The following TANC1 variants were observed in gnomAD, a reference collection of about 807,000 sequenced individuals.
TANC1 encodes the protein tetratricopeptide repeat, ankyrin repeat and coiled-coil containing 1.
TANC1 carries 77 observed loss-of-function variants against 149.7 expected under a neutral mutation model. The observed-to-expected ratio is 0.51, with a 90% CI of 0.43 to 0.62. TANC1 has a LOEUF of 0.62. TANC1 is among the 20% of genes least tolerant of loss of function. The pLI is 0.00. For missense variants in TANC1, 1,985 were observed against 2,321.8 expected, an observed-to-expected ratio of 0.85 and a Z score of 2.98; for synonymous variants, 854 against 925.0, an observed-to-expected ratio of 0.92 and a Z score of 1.39.
intron 26 of TANC1, 23 bp from the exon 27 acceptor site, chr2:159,229,555 T>C: frequency 6.3e-7 from 1 of 1,576,730 alleles, no homozygotes; most frequent in South Asian, 1.1e-5. Context: ...GTTTGTAATG[T>C]TACCTTACAT....
chr2:159,198,900 C>A, intron 18 of TANC1, 75 bp from the exon 19 acceptor site: 1 of 1,003,430 alleles, frequency 1.0e-6, no homozygotes, highest in Non-Finnish European at 1.6e-6. Context: ...AACACACTGT[C>A]TCCTTTGATA....
intron 1 of TANC1, among the ~76,000 whole-genome samples, chr2:158,979,558 T>A (rs1216351620): frequency 6.6e-6 from 1 of 151,994 alleles, no homozygotes; most frequent in Non-Finnish European, 1.5e-5. Context: ...TCTGTGGGGC[T>A]TTTATTTCTG....
At chr2:159,194,833 T>C (rs1459341679) in intron 17 of TANC1, among the ~76,000 whole-genome samples, 2 of 152,200 alleles carry the variant, frequency 1.3e-5, no homozygotes, top group East Asian at 1.9e-4. Flanking sequence ...TTTGCTTTTT[T>C]CCCCTCTCTT....
At chr2:159,030,277 C>G (rs531683165) in intron 2 of TANC1, among the ~76,000 whole-genome samples, 3 of 152,194 alleles carry the variant, frequency 2.0e-5, no homozygotes, top group African/African-American at 4.8e-5. Flanking sequence ...GCAAAAAATG[C>G]TAGAATTTTG....
At chr2:159,044,982 C>T (rs1394993741) in intron 2 of TANC1, among the ~76,000 whole-genome samples, 1 of 152,246 alleles carries the variant, frequency 6.6e-6, no homozygotes, top group African/African-American at 2.4e-5. Context: ...AAAGGCGGAG[C>T]TTCTCCACAG....
intron 1 of TANC1, among the ~76,000 whole-genome samples, chr2:158,994,727 T>C (rs1329403734): frequency 6.6e-6 from 1 of 152,254 alleles, no homozygotes; most frequent in Non-Finnish European, 1.5e-5. Context: ...GTTGATTTAT[T>C]TGTGGTTATT....
At chr2:159,039,581 C>T (rs1319553244) in intron 2 of TANC1, among the ~76,000 whole-genome samples, 1 of 152,172 alleles carries the variant, frequency 6.6e-6, no homozygotes, top group African/African-American at 2.4e-5. Flanking sequence ...CAAAAAACGT[C>T]TTTATTTCTG....
chr2:159,122,185 G>T (rs946623876), intron 4 of TANC1, among the ~76,000 whole-genome samples: 16 of 152,144 alleles, frequency 1.1e-4, no homozygotes, highest in Non-Finnish European at 2.1e-4. Context: ...CCATCTGCCC[G>T]CCTTGGTCTT....
chr2:159,154,225 AGT>A (rs2053178270), intron 7 of TANC1, among the ~76,000 whole-genome samples: 1 of 152,186 alleles, frequency 6.6e-6, no homozygotes, highest in South Asian at 2.1e-4. Flanking sequence ...TATTCAGAGC[AGT>A]TTGGGGAAAT....
At chr2:159,171,765 G>A (rs1287105857) in intron 10 of TANC1, among the ~76,000 whole-genome samples, 1 of 149,996 alleles carries the variant, frequency 6.7e-6, no homozygotes. Context: ...GCTGAGGCAG[G>A]AGAATCACCT....
intron 2 of TANC1, among the ~76,000 whole-genome samples, chr2:159,042,590 G>A (rs143592597): frequency 1.8e-3 from 271 of 152,160 alleles, no homozygotes; most frequent in African/African-American, 6.0e-3. Flanking sequence ...GGGAGCTCAG[G>A]CAGAACGAAG....
At chr2:159,190,969 G>A (rs1184094763) in intron 16 of TANC1, among the ~76,000 whole-genome samples, 1 of 152,238 alleles carries the variant, frequency 6.6e-6, no homozygotes, top group Admixed American at 6.5e-5. Flanking sequence ...GCTTGGTGGG[G>A]ATTAATTAAG....
chr2:159,012,823 T>G (rs1051909837), intron 2 of TANC1, among the ~76,000 whole-genome samples: 2 of 152,188 alleles, frequency 1.3e-5, no homozygotes, highest in Non-Finnish European at 2.9e-5. Context: ...ATTTTGAGCT[T>G]TTAATTTTTG....
chr2:159,209,532 G>T (rs1378460004), intron 19 of TANC1, among the ~76,000 whole-genome samples: 1 of 152,324 alleles, frequency 6.6e-6, no homozygotes, highest in African/African-American at 2.4e-5. Flanking sequence ...GCCAGGGAAT[G>T]TGGGGGCCAG....
intron 4 of TANC1, among the ~76,000 whole-genome samples, chr2:159,105,856 C>G (rs149117654): frequency 8.5e-5 from 13 of 152,128 alleles, no homozygotes; most frequent in African/African-American, 2.7e-4. Flanking sequence ...CCATTGGTAA[C>G]TTTTTCTTTT....
In TANC1 at chr2:159,152,332, C is replaced by T. The variant is rs1260988622; in HGVS notation, c.682+1776C>T. Among the ~76,000 whole-genome samples, 10 of 152,126 alleles carry T rather than the reference C, an allele frequency of 6.6e-5. No homozygotes were observed. The East Asian group carries it at 1.2e-3, about 18-fold the overall frequency. ...CAGATGACTTTCTTCACAGTATTCT[C>T]GGTTCTTCTGAAATTTTGTCTCCTG... On this transcript the variant is annotated intron_variant, in intron 7 of 26. Coordinates refer to ENST00000263635, the MANE Select transcript of TANC1 (RefSeq NM_033394.3).
At chr2:158,993,764 A>C (rs1289533232) in intron 1 of TANC1, among the ~76,000 whole-genome samples, 2 of 151,804 alleles carry the variant, frequency 1.3e-5, no homozygotes, top group Non-Finnish European at 2.9e-5. Context: ...CAACCCTTAA[A>C]TTTTCTTGTT....
At chr2:159,072,281 C>A (rs184471832) in intron 3 of TANC1, among the ~76,000 whole-genome samples, 1 of 152,160 alleles carries the variant, frequency 6.6e-6, no homozygotes, top group Non-Finnish European at 1.5e-5. Flanking sequence ...TGTGCCCAGC[C>A]TGATTTTTAA....
At chr2:159,226,354 TGA>T (rs2060026865) in intron 24 of TANC1, 1 of 157,824 alleles carries the variant, frequency 6.3e-6, no homozygotes, top group Non-Finnish European at 1.4e-5. Flanking sequence ...GGCGTGAAGC[TGA>T]GTCACCTCTA....
Sources: allele counts gnomAD v4.1 joint callset (sites outside exome capture counted in the v4.1 genomes callset), GRCh38; gene constraint gnomAD v4.1.1; transcripts MANE v1.5; gene names NCBI Gene and HGNC (gene_info 2026-07-23, HGNC 2026-07-21).